The following ZDHHC11B variants were observed in gnomAD, a reference collection of about 807,000 sequenced individuals.
The protein encoded by ZDHHC11B is zDHHC palmitoyltransferase 11B (putative).
In ZDHHC11B, 17 loss-of-function variants were observed where a neutral mutation model predicts 42.3. That is an observed-to-expected ratio of 0.40 (90% CI 0.27 to 0.60). The LOEUF (loss-of-function observed/expected upper bound fraction) is 0.60. ZDHHC11B is among the 20% of genes least tolerant of loss of function. The probability of loss-of-function intolerance (pLI) is 0.41; values close to 1 mark genes in which losing one functional copy is unlikely to be tolerated. For missense variants in ZDHHC11B, 262 were observed against 463.2 expected, an observed-to-expected ratio of 0.57 and a Z score of 3.99; for synonymous variants, 123 against 193.5, an observed-to-expected ratio of 0.64 and a Z score of 3.02.
chr5:716,115 G>C (rs1015176120), intron 13 of ZDHHC11B, among the ~76,000 whole-genome samples: 1 of 150,804 alleles, frequency 6.6e-6, no homozygotes, highest in Non-Finnish European at 1.5e-5. Context: ...TAACACCTTA[G>C]AGAAAGGGTT....
At chr5:739,426 A>AACAACAC (rs1743916180) in intron 10 of ZDHHC11B, among the ~76,000 whole-genome samples, 1 of 151,470 alleles carries the variant, frequency 6.6e-6, no homozygotes, top group Admixed American at 6.6e-5. Flanking sequence ...ACAAACAACA[A>AACAACAC]AACCAATCCC....
chr5:751,488 GCAGGTGGGGGGTGCA>G (rs1579351169), intron 6 of ZDHHC11B, among the ~76,000 whole-genome samples: 740 of 28,238 alleles, frequency 0.026, 15 homozygotes, highest in Middle Eastern at 0.044. Context: ...GGCATGCAGG[GCAGGTGGGGGGTGCA>G]GAGGCAGGGG....
At chr5:719,296 CACAGGG>C (rs1742008546) in intron 12 of ZDHHC11B, among the ~76,000 whole-genome samples, 1 of 151,536 alleles carries the variant, frequency 6.6e-6, no homozygotes, top group African/African-American at 2.4e-5. Context: ...ATGGCCCACT[CACAGGG>C]GAAAAAGACT....
chr5:756,446 G>T (rs1311343494), intron 4 of ZDHHC11B, among the ~76,000 whole-genome samples: 1 of 151,748 alleles, frequency 6.6e-6, no homozygotes, highest in East Asian at 1.9e-4. Flanking sequence ...GCTACCCATC[G>T]GCCCTGCACA....
intron 12 of ZDHHC11B, among the ~76,000 whole-genome samples, chr5:719,650 A>G (rs1414463405): frequency 6.6e-6 from 1 of 151,182 alleles, no homozygotes; most frequent in East Asian, 1.9e-4. Flanking sequence ...AGAATGAAAG[A>G]GGATAAACAG....
At chr5:757,871 T>G (rs1396419027) in intron 4 of ZDHHC11B, among the ~76,000 whole-genome samples, 2 of 151,784 alleles carry the variant, frequency 1.3e-5, no homozygotes, top group African/African-American at 4.8e-5. Flanking sequence ...AGCCAGGCCC[T>G]GGGGGACTCA....
At chr5:777,371 C>T (rs1293162962) in intron 1 of ZDHHC11B, among the ~76,000 whole-genome samples, 3 of 151,846 alleles carry the variant, frequency 2.0e-5, no homozygotes, top group East Asian at 1.9e-4. Context: ...CTGTTCGCTC[C>T]CTCCGGTGGG....
intron 13 of ZDHHC11B, among the ~76,000 whole-genome samples, chr5:712,849 C>T (rs1350983364): frequency 2.4e-4 from 37 of 151,558 alleles, no homozygotes; most frequent in African/African-American, 4.1e-4. Context: ...GCGGAGTTTG[C>T]AGTGAGCCAA....
intron 12 of ZDHHC11B, among the ~76,000 whole-genome samples, chr5:718,331 T>G (rs1227718573): frequency 1.3e-5 from 2 of 151,678 alleles, no homozygotes; most frequent in Non-Finnish European, 2.9e-5. Context: ...AATGAATTAT[T>G]TGGAAACTCT....
At chr5:773,732 G>A (rs529261402) in intron 1 of ZDHHC11B, among the ~76,000 whole-genome samples, 1 of 151,842 alleles carries the variant, frequency 6.6e-6, no homozygotes, top group African/African-American at 2.4e-5. Context: ...CCCAAGTGGG[G>A]CCTGGCCAGG....
intron 12 of ZDHHC11B, among the ~76,000 whole-genome samples, chr5:721,783 C>A (rs1449316162): frequency 6.6e-6 from 1 of 151,610 alleles, no homozygotes; most frequent in Non-Finnish European, 1.5e-5. Context: ...ATAACTAGAG[C>A]CTTTCGTGGG....
At chr5:728,047 T>C (rs1251722109) in intron 12 of ZDHHC11B, among the ~76,000 whole-genome samples, 3 of 149,826 alleles carry the variant, frequency 2.0e-5, no homozygotes, top group Admixed American at 2.0e-4. Context: ...ATCCCTAATG[T>C]GCAAAGAGCA....
intron 13 of ZDHHC11B, among the ~76,000 whole-genome samples, chr5:714,939 G>A (rs920743399): frequency 1.3e-5 from 2 of 151,302 alleles, no homozygotes; most frequent in Admixed American, 1.3e-4. Flanking sequence ...CCTTGTTGTT[G>A]AAAAGGGCCT....
At chr5:719,276 A>G (rs1284051302) in intron 12 of ZDHHC11B, among the ~76,000 whole-genome samples, 1 of 151,658 alleles carries the variant, frequency 6.6e-6, no homozygotes, top group Admixed American at 6.6e-5. Flanking sequence ...ATATAAAGAA[A>G]TAGAATAATA....
chr5:758,450 G>A (rs1316454251), intron 4 of ZDHHC11B, among the ~76,000 whole-genome samples: 1 of 151,882 alleles, frequency 6.6e-6, no homozygotes, highest in Non-Finnish European at 1.5e-5. Context: ...CGGTGCTGCT[G>A]CTGGGGGCCA....
intron 4 of ZDHHC11B, among the ~76,000 whole-genome samples, chr5:757,234 TCA>T (rs1338726415): frequency 6.6e-6 from 1 of 151,952 alleles, no homozygotes; most frequent in Non-Finnish European, 1.5e-5. Context: ...CCAGAGGCCC[TCA>T]CAGTGTGGCC....
chr5:771,115 A>C (rs1735992189), intron 1 of ZDHHC11B, among the ~76,000 whole-genome samples: 1 of 151,868 alleles, frequency 6.6e-6, no homozygotes, highest in African/African-American at 2.4e-5. Flanking sequence ...CACAGACACA[A>C]GAGCCGGTGG....
intron 1 of ZDHHC11B, among the ~76,000 whole-genome samples, 46 bp downstream of exon 1, chr5:784,622 T>A (rs1164816940): frequency 2.1e-4 from 31 of 151,042 alleles, no homozygotes; most frequent in African/African-American, 7.5e-4. Flanking sequence ...CGCCCCCGGG[T>A]GCCCCCCGCG....
Position 745,173 on chromosome 5 carries a change from C to T in ZDHHC11B, c.900+10G>A. On this transcript the variant is annotated intron_variant, in intron 9 of 13. Transcript: ENST00000508859. The stretch of plus-strand genomic sequence containing the variant: ...GGCCTGGAGAAAAGGAGCAGAGAGA[C>T]AGGTGGTACCTGGAGAAATCCTTTG... The T allele has an allele frequency of 2.6e-6, 3 of 1,159,858 alleles. No individual in the cohort carries two copies. The highest frequency in any genetic ancestry group is 2.9e-5 in the African/African-American group (2 of 69,888). The allele number at this position is 1,159,858 out of a possible 1,614,324, so 71.8% of individuals were successfully genotyped here.
Sources: allele counts gnomAD v4.1 joint callset (sites outside exome capture counted in the v4.1 genomes callset), GRCh38; gene constraint gnomAD v4.1.1; transcripts MANE v1.5; gene names NCBI Gene and HGNC (gene_info 2026-07-23, HGNC 2026-07-21).